NELL1: variants seen among roughly 807,000 people sequenced by gnomAD.
The protein encoded by NELL1 is protein kinase C-binding protein NELL1.
NELL1 carries 76 observed loss-of-function variants against 107.4 expected under a neutral mutation model. That is an observed-to-expected ratio of 0.71 (90% CI 0.59 to 0.86). NELL1 has a LOEUF of 0.86. Among genes scored for constraint, NELL1 ranks in the 40% least tolerant of loss-of-function variants. NELL1 has a pLI of 0.00. For synonymous variants in NELL1, 353 were observed against 341.2 expected, an observed-to-expected ratio of 1.03 and a Z score of -0.38; for missense variants, 1,024 against 1,005.5, an observed-to-expected ratio of 1.02 and a Z score of -0.25.
chr11:20,988,676 C>T (rs550868069), intron 12 of NELL1, among the ~76,000 whole-genome samples: 77 of 151,614 alleles, frequency 5.1e-4, no homozygotes, highest in Non-Finnish European at 8.7e-4. Context: ...CTGCAAGCTC[C>T]GCCTCCCGGG....
rs77248425 is a variant in NELL1 at position 21,410,447 on chromosome 11, G to A, written c.1645+39499G>A. ...GCAGAGGAGAGAAGAGAAAAAGATG[G>A]AGAGGAGAGGATTGTTTTTCCCCAT... is the stretch of plus-strand genomic sequence containing the variant. On this transcript the variant is annotated intron_variant, in intron 15 of 19. Transcript: ENST00000357134. Among the ~76,000 whole-genome samples, 41 of 152,124 alleles carry A rather than the reference G, an allele frequency of 2.7e-4. No individual in the cohort carries two copies. In the East Asian group the frequency reaches 7.2e-3, roughly 27 times the overall value.
chr11:21,408,159 CA>C (rs1436635657), intron 15 of NELL1, among the ~76,000 whole-genome samples: 1 of 151,982 alleles, frequency 6.6e-6, no homozygotes, highest in Non-Finnish European at 1.5e-5. Context: ...AATGCTTCCT[CA>C]CTTAACATGA....
At chr11:20,995,449 A>T (rs1244908335) in intron 12 of NELL1, among the ~76,000 whole-genome samples, 1 of 152,044 alleles carries the variant, frequency 6.6e-6, no homozygotes, top group Non-Finnish European at 1.5e-5. Context: ...GTGGTGGCGC[A>T]TGCCTGTAAT....
intron 12 of NELL1, among the ~76,000 whole-genome samples, chr11:21,005,450 G>A (rs1852308247): frequency 6.6e-6 from 1 of 152,188 alleles, no homozygotes; most frequent in Non-Finnish European, 1.5e-5. Flanking sequence ...TGCCAGGGAA[G>A]GAACATTGTT....
chr11:20,896,125 C>T (rs1265765579), intron 5 of NELL1, among the ~76,000 whole-genome samples: 4 of 152,022 alleles, frequency 2.6e-5, no homozygotes, highest in Non-Finnish European at 5.9e-5. Flanking sequence ...AGTCTTTTAT[C>T]CCTCACCCTC....
At chr11:20,804,602 C>G (rs1857343853) in intron 3 of NELL1, among the ~76,000 whole-genome samples, 2 of 152,164 alleles carry the variant, frequency 1.3e-5, no homozygotes, top group South Asian at 4.1e-4. Flanking sequence ...CATAATTCCT[C>G]TTGTTACTGA....
intron 15 of NELL1, among the ~76,000 whole-genome samples, chr11:21,465,488 A>G (rs1337784036): frequency 6.6e-6 from 1 of 152,070 alleles, no homozygotes. Flanking sequence ...AGCATTTGGC[A>G]TCTTTCCAGA....
chr11:21,020,013 A>G (rs1421509623), intron 12 of NELL1, among the ~76,000 whole-genome samples: 3 of 152,112 alleles, frequency 2.0e-5, no homozygotes, highest in Non-Finnish European at 4.4e-5. Context: ...TTGAATCCTT[A>G]CCTGTCATTT....
chr11:20,768,872 A>G (rs981394275), intron 2 of NELL1, among the ~76,000 whole-genome samples: 2 of 152,014 alleles, frequency 1.3e-5, no homozygotes, highest in African/African-American at 4.8e-5. Context: ...CAGACATCTG[A>G]CCTCCAGAAC....
At chr11:21,482,344 A>G (rs1051510595) in intron 15 of NELL1, among the ~76,000 whole-genome samples, 2 of 152,078 alleles carry the variant, frequency 1.3e-5, no homozygotes, top group East Asian at 1.9e-4. Context: ...TTCTTAAGTC[A>G]TATGCCCTAC....
chr11:20,976,402 A>T (rs960757287), intron 12 of NELL1, among the ~76,000 whole-genome samples: 1 of 152,020 alleles, frequency 6.6e-6, no homozygotes, highest in African/African-American at 2.4e-5. Context: ...TCCCAACCCA[A>T]CTTTGGGCTT....
Position 21,006,016 on chromosome 11 carries a change from T to A in NELL1, c.1300+45456T>A, listed in dbSNP as rs1034202012. ...CAGTTTCTTATCCATTAAATAGATA[T>A]AATTGATAATTTCATAGATTTGGGG... On this transcript the variant is annotated intron_variant, in intron 12 of 19. Coordinates refer to ENST00000357134, the MANE Select transcript of NELL1 (RefSeq NM_006157.5). Among the ~76,000 whole-genome samples, 7 of 151,672 alleles carry A rather than the reference T, an allele frequency of 4.6e-5. No homozygotes were observed. The South Asian group carries it at 1.5e-3, about 32-fold the overall frequency.
rs75479014 is a variant in NELL1, at chr11:21,490,080, A to G, written c.1646-44294A>G. Reference sequence around the variant, plus strand: ...CACAAAAAAATCTCCTACATTTGATATATTCAGTAAAGCTGTAGGAGAGAA... The same window carrying G: ...CACAAAAAAATCTCCTACATTTGATGTATTCAGTAAAGCTGTAGGAGAGAA... On this transcript the variant is annotated intron_variant, in intron 15 of 19. Transcript: ENST00000357134. 0.021 allele frequency among the ~76,000 whole-genome samples: 3,230 copies of G among 152,270 alleles called. 297 individuals are homozygous for G. The East Asian group carries it at 0.29, about 14-fold the overall frequency.
intron 14 of NELL1, among the ~76,000 whole-genome samples, chr11:21,303,508 T>C (rs1235307939): frequency 1.3e-5 from 2 of 151,916 alleles, no homozygotes; most frequent in African/African-American, 4.8e-5. Flanking sequence ...TTATGTATGA[T>C]TCCCTCTCCA....
intron 14 of NELL1, among the ~76,000 whole-genome samples, chr11:21,329,938 C>T (rs1282884219): frequency 2.0e-5 from 3 of 152,070 alleles, no homozygotes; most frequent in African/African-American, 4.8e-5. Flanking sequence ...TAATGAATTA[C>T]AATAATTATT....
chr11:20,692,322 T>A (rs551217277), intron 2 of NELL1, among the ~76,000 whole-genome samples: 1 of 152,138 alleles, frequency 6.6e-6, no homozygotes, highest in Non-Finnish European at 1.5e-5. Flanking sequence ...TCTTGCCTTC[T>A]GCTAGCTTTT....
chr11:21,514,637 T>G (rs1855514184), intron 15 of NELL1, among the ~76,000 whole-genome samples: 1 of 147,652 alleles, frequency 6.8e-6, no homozygotes, highest in African/African-American at 2.4e-5. Flanking sequence ...GGCATCTGAT[T>G]CAATATTTAA....
intron 3 of NELL1, among the ~76,000 whole-genome samples, chr11:20,797,583 A>AAC (rs2133998102): frequency 6.6e-6 from 1 of 151,472 alleles, no homozygotes; most frequent in East Asian, 1.9e-4. Flanking sequence ...AAAAAAAAAA[A>AAC]AAAAGACAGG....
chr11:21,391,190 G>A (rs10160605), intron 15 of NELL1, among the ~76,000 whole-genome samples: 76,438 of 151,486 alleles, frequency 0.5, 19,554 homozygotes, highest in South Asian at 0.65. Context: ...GATTAAGTGT[G>A]TTGTCACATT....
Sources: gnomAD v4.1 joint callset for allele counts (sites outside exome capture counted in the v4.1 genomes callset) on GRCh38, gnomAD v4.1.1 for gene constraint, MANE v1.5 for transcripts, NCBI Gene and HGNC (gene_info 2026-07-23, HGNC 2026-07-21) for gene names.